ST6GALNAC1: variants seen among roughly 807,000 people sequenced by gnomAD.
ST6GALNAC1 encodes ST6 N-acetylgalactosaminide alpha-2,6-sialyltransferase 1, also known as alpha-N-acetylgalactosaminide alpha-2,6-sialyltransferase 1.
ST6GALNAC1 carries 45 observed loss-of-function variants against 56.8 expected under a neutral mutation model. The observed-to-expected ratio is 0.79, with a 90% confidence interval of 0.62 to 1.02. The LOEUF (loss-of-function observed/expected upper bound fraction) is 1.02. Among genes scored for constraint, ST6GALNAC1 ranks in the 50% least tolerant of loss-of-function variants. The probability of loss-of-function intolerance (pLI) is 0.00; values close to 1 mark genes in which losing one functional copy is unlikely to be tolerated. For synonymous variants in ST6GALNAC1, 295 were observed against 297.8 expected (o/e 0.99, Z 0.10); for missense variants, 743 against 754.8 (o/e 0.98, Z 0.18).
In ST6GALNAC1 at chr17:76,629,247, C is replaced by A; in HGVS notation, c.596G>T (p.Ser199Ile). 1.2e-6 allele frequency: 2 copies of A among 1,614,148 alleles called. No individual in the cohort carries two copies. The highest frequency in any genetic ancestry group is 8.5e-7 in the Non-Finnish European group (1 of 1,180,030). The change falls in exon 2 of 9, where the codon AGT becomes ATT. Residue 199 changes from serine to isoleucine, a missense_variant. By Grantham distance (142) the Ser-to-Ile change is moderately radical (BLOSUM62 -2). Coordinates refer to ENST00000156626, the MANE Select transcript of ST6GALNAC1 (RefSeq NM_018414.5). ...TGTGGGAGCCAGCATTCTGTGCTGA[C>A]TTTTGGGAATGAGCGTCTTGGCTGT... ...ATTAKTLIPK[S>I]QHRMLAPTGA...
At chr17:76,628,264 C>T (rs181021986) in intron 2 of ST6GALNAC1, among the ~76,000 whole-genome samples, 1 of 106,152 alleles carries the variant, frequency 9.4e-6, no homozygotes, top group Admixed American at 1.1e-4. Context: ...CCCTCCCTCC[C>T]TCCCTCCTTC....
chr17:76,628,951 T>A, intron 2 of ST6GALNAC1, 61 bp downstream of exon 2: 1 of 1,456,476 alleles, frequency 6.9e-7, no homozygotes, highest in South Asian at 1.4e-5. Flanking sequence ...GGGCTGGGCT[T>A]CCTCTCAGGA....
intron 1 of ST6GALNAC1, chr17:76,633,954 GA>G (rs1331788091): frequency 6.6e-6 from 1 of 152,222 alleles, no homozygotes; most frequent in Non-Finnish European, 1.5e-5. Flanking sequence ...CTAGGATATT[GA>G]AGAGGCTGAA....
rs753801369 is a variant in ST6GALNAC1 at position 76,629,376 on chromosome 17, C to T, written c.467G>A (p.Trp156Ter). The change falls in exon 2 of 9, where the codon TGG becomes TAG. Residue 156 changes from tryptophan to a stop codon, truncating the protein, a stop_gained. Transcript: ENST00000156626. LOFTEE classifies it high-confidence loss of function. ...GGTCGTCTTTGTGTCCTGGCTCTTC[C>T]ATGATTGTGCCTCTGTCCTGCCAGA... is the stretch of plus-strand genomic sequence containing the variant. ...MASGRTEAQS[W>*]KSQDTKTTQG... 3.1e-6 allele frequency: 5 copies of T among 1,614,180 alleles called. No homozygotes were observed. Among genetic ancestry groups the T allele is most frequent in the Non-Finnish European group, 3.4e-6 (4 of 1,180,020 alleles).
At chr17:76,630,833 C>T (rs1363556425) in intron 1 of ST6GALNAC1, among the ~76,000 whole-genome samples, 2 of 151,380 alleles carry the variant, frequency 1.3e-5, no homozygotes, top group Non-Finnish European at 2.9e-5. Context: ...TCGTGATCTG[C>T]CCACCTTGGC....
Position 76,627,378 on chromosome 17 carries a change from C to T in ST6GALNAC1, c.1000+37G>A, listed in dbSNP as rs1200428098. On this transcript the variant is annotated intron_variant, in intron 3 of 8. Transcript: ENST00000156626. This position sits in a 1 kb window ranked among gnomAD's most constrained non-coding sequence, Gnocchi z 4.4. The stretch of plus-strand genomic sequence containing the variant: ...GCCCTCTGCCCTCTGCCCCGGCCTA[C>T]TGCGCACCCACACCTTCCCCTGGGT... 6.2e-7 allele frequency: 1 copy of T among 1,611,552 alleles called. No homozygotes were observed. Among genetic ancestry groups the T allele is most frequent in the Non-Finnish European group, 8.5e-7 (1 of 1,178,622 alleles).
At position 76,625,803 on chromosome 17, in the gene ST6GALNAC1, T is replaced by C; in HGVS notation, c.1605+16A>G. ...CTGTTTCTCCAGGTATTTCTGCAGC[T>C]GCAGTGGAGCCTTACCTGGTCACAG... On this transcript the variant is annotated intron_variant, in intron 8 of 8. Coordinates refer to ENST00000156626, the MANE Select transcript of ST6GALNAC1 (RefSeq NM_018414.5). 1.3e-6 allele frequency: 2 copies of C among 1,516,958 alleles called. No homozygotes were observed. Among genetic ancestry groups the C allele is most frequent in the Non-Finnish European group, 1.8e-6 (2 of 1,134,420 alleles). The allele number at this position is 1,516,958 out of a possible 1,614,324, so 94.0% of individuals were successfully genotyped here.
rs762927372 is a variant in ST6GALNAC1 at position 76,627,392 on chromosome 17, C to G, written c.1000+23G>C. The stretch of plus-strand genomic sequence containing the variant: ...GCCCCGGCCTACTGCGCACCCACAC[C>G]TTCCCCTGGGTTAAGGACTCACAGG... On this transcript the variant is annotated intron_variant, in intron 3 of 8. Coordinates refer to ENST00000156626, the MANE Select transcript of ST6GALNAC1 (RefSeq NM_018414.5). The surrounding 1 kb of genome is among the most constrained non-coding windows in gnomAD (Gnocchi z 4.4). The G allele has an allele frequency of 6.2e-7, 1 of 1,613,340 alleles. No individual in the cohort carries two copies. The highest frequency in any genetic ancestry group is 8.5e-7 in the Non-Finnish European group (1 of 1,179,624).
chr17:76,617,525 G>A, the ST6GALNAC1 span, among the ~76,000 whole-genome samples: 4 of 152,166 alleles, frequency 2.6e-5, no homozygotes, highest in African/African-American at 9.7e-5. Flanking sequence ...TAGGATTTGG[G>A]GAAGGATGGA....
chr17:76,630,586 CTTTTT>C (rs201145440), intron 1 of ST6GALNAC1, among the ~76,000 whole-genome samples: 3 of 137,406 alleles, frequency 2.2e-5, no homozygotes, highest in Non-Finnish European at 3.1e-5. Flanking sequence ...TGAAACCCTT[CTTTTT>C]TTTTTTTTTT....
At chr17:76,628,746 G>A (rs561218817) in intron 2 of ST6GALNAC1, among the ~76,000 whole-genome samples, 2 of 152,312 alleles carry the variant, frequency 1.3e-5, no homozygotes, top group East Asian at 3.9e-4. Context: ...CTCCAGGGCA[G>A]GCCCCATCTC....
At position 76,625,098 on chromosome 17, in the gene ST6GALNAC1, A is replaced by G; in HGVS notation, c.*232T>C. ...TATTGGCCACCCATCACCCCATTTA[A>G]TTAAAAATCCCTGGCCTCAGGACCT... On this transcript the variant is annotated 3_prime_UTR_variant, in exon 9 of 9. Coordinates refer to ENST00000156626, the MANE Select transcript of ST6GALNAC1 (RefSeq NM_018414.5). The G allele has an allele frequency of 1.8e-6, 1 of 550,432 alleles. No homozygotes were observed. Among genetic ancestry groups the G allele is most frequent in the African/African-American group, 1.9e-5 (1 of 53,192 alleles). 34.1% of individuals were successfully genotyped at this position (550,432 alleles called of 1,614,324 possible).
At position 76,629,346 on chromosome 17, in the gene ST6GALNAC1, C is replaced by T. The variant is rs1441384646; in HGVS notation, c.497G>A (p.Gly166Glu). ...CAGCTTCCTGGTCTGGCCCCCATTT[C>T]CTTGGGTCGTCTTTGTGTCCTGGCT... ...WKSQDTKTTQ[G>E]NGGQTRKLTA... Residue 166 changes from glycine (G) to glutamate (E), a missense_variant, in exon 2 of 9, where the codon GGA becomes GAA. Physicochemically the swap from Gly to Glu is moderately conservative, Grantham distance 98 (BLOSUM62 -2). Coordinates refer to ENST00000156626, the MANE Select transcript of ST6GALNAC1 (RefSeq NM_018414.5). The T allele has an allele frequency of 6.2e-7, 1 of 1,614,168 alleles. No individual in the cohort carries two copies. The highest frequency in any genetic ancestry group is 8.5e-7 in the Non-Finnish European group (1 of 1,180,004).
chr17:76,637,519 T>C, intron 1 of ST6GALNAC1: 1 of 393,592 alleles, frequency 2.5e-6, no homozygotes, highest in Non-Finnish European at 4.5e-6. Context: ...GTTATTTGAA[T>C]GCAATCATAC....
chr17:76,634,866 A>G (rs2075957427), intron 1 of ST6GALNAC1, among the ~76,000 whole-genome samples: 1 of 152,214 alleles, frequency 6.6e-6, no homozygotes, highest in African/African-American at 2.4e-5. Context: ...CCTGAGTGAT[A>G]CAGCAAGACT....
At position 76,625,865 on chromosome 17, in the gene ST6GALNAC1, G is replaced by T. The variant is rs1447002699; in HGVS notation, c.1559C>A (p.Thr520Asn). Residue 520 changes from threonine (T) to asparagine (N), a missense_variant, in exon 8 of 9, where the codon ACC becomes AAC. Transcript: ENST00000156626. ...DGAHWRIYRP[T>N]TGALLLLTAL... ...AGTGAGCAGCAGGAGGGCCCCAGTG[G>T]TGGGGCGGTATATCCTCCAGTGGGC... 1 of 1,549,272 alleles carries T rather than the reference G, an allele frequency of 6.5e-7. No homozygotes were observed. Among genetic ancestry groups the T allele is most frequent in the East Asian group, 2.2e-5 (1 of 44,470 alleles).
intron 2 of ST6GALNAC1, among the ~76,000 whole-genome samples, chr17:76,628,574 G>A (rs2075845286): frequency 6.6e-6 from 1 of 152,172 alleles, no homozygotes; most frequent in Non-Finnish European, 1.5e-5. Flanking sequence ...TTGCAGGGAA[G>A]ACAAGGCATT....
chr17:76,621,996 G>A (rs2075746434), downstream of ST6GALNAC1, among the ~76,000 whole-genome samples: 2 of 132,660 alleles, frequency 1.5e-5, no homozygotes, highest in Non-Finnish European at 3.2e-5. Flanking sequence ...CCAGGGTCTT[G>A]TTATGTTGCC....
In ST6GALNAC1 at chr17:76,629,127, G is replaced by T. The variant is rs202115303; in HGVS notation, c.716C>A (p.Pro239His). The T allele has an allele frequency of 7.6e-5, 123 of 1,612,540 alleles. No homozygotes were observed. The highest frequency in any genetic ancestry group is 1.0e-4 in the Non-Finnish European group (119 of 1,178,896). The change falls in exon 2 of 9, where the codon CCT becomes CAT. Residue 239 changes from proline (P) to histidine (H), a missense_variant. Coordinates refer to ENST00000156626, the MANE Select transcript of ST6GALNAC1 (RefSeq NM_018414.5). ...KKPQATPPPA[P>H]FQSPTTQRNQ... The stretch of plus-strand genomic sequence containing the variant: ...TCTCTGCGTCGTGGGGCTCTGGAAA[G>T]GGGCAGGGGGTGGGGTGGCCTGAGG...
Sources: allele counts gnomAD v4.1 joint callset (sites outside exome capture counted in the v4.1 genomes callset), GRCh38; gene constraint gnomAD v4.1.1; non-coding constraint Gnocchi (gnomAD v3.1); transcripts MANE v1.5; gene names NCBI Gene and HGNC (gene_info 2026-07-23, HGNC 2026-07-21).